The following ADAM32 variants were observed in gnomAD, a reference collection of about 807,000 sequenced individuals.
ADAM32 encodes the protein ADAM metallopeptidase domain 32.
ADAM32 carries 89 observed loss-of-function variants against 114.9 expected under a neutral mutation model. That is an observed-to-expected ratio of 0.77 (90% confidence interval 0.65 to 0.92). The LOEUF is 0.92. ADAM32 is among the 40% of genes least tolerant of loss of function. ADAM32 has a pLI of 0.00. For missense variants in ADAM32, 870 were observed against 932.8 expected (o/e 0.93, Z 0.88); for synonymous variants, 285 against 307.5 (o/e 0.93, Z 0.77).
intron 2 of ADAM32, among the ~76,000 whole-genome samples, chr8:39,121,630 A>G (rs1840595508): frequency 6.6e-6 from 1 of 152,164 alleles, no homozygotes; most frequent in South Asian, 2.1e-4. Context: ...ATGACCCTGA[A>G]AGCAATTCAG....
chr8:39,182,490 A>T (rs1314262704), intron 10 of ADAM32, among the ~76,000 whole-genome samples: 2 of 152,244 alleles, frequency 1.3e-5, no homozygotes, highest in East Asian at 3.8e-4. Context: ...CTAGCTAACA[A>T]ATGCATTGCC....
intron 14 of ADAM32, among the ~76,000 whole-genome samples, chr8:39,230,546 T>G (rs1809672318): frequency 6.6e-6 from 1 of 152,212 alleles, no homozygotes. Flanking sequence ...AATCTCTCAG[T>G]GTTTAACAAG....
intron 7 of ADAM32, among the ~76,000 whole-genome samples, chr8:39,161,182 AAC>A (rs1804489209): frequency 6.6e-6 from 1 of 152,256 alleles, no homozygotes; most frequent in Non-Finnish European, 1.5e-5. Flanking sequence ...AGTACTGCAG[AAC>A]AAAATGTATT....
In ADAM32 at chr8:39,250,270, C is replaced by CT. The variant is rs199941796; in HGVS notation, c.1902+4114dup. Among the ~76,000 whole-genome samples, 558 of 146,726 alleles carry CT rather than the reference C, an allele frequency of 3.8e-3. 5 individuals are homozygous for CT. The highest frequency in any genetic ancestry group is 0.012 in the African/African-American group (492 of 40,146). On this transcript the variant is annotated intron_variant, in intron 17 of 24. Transcript: ENST00000379907. ...GGATATTCTGTTCTGTTTTTTCAAC[C>CT]TTTTTTTTTTGACTTTTTAGTTTTA...
At chr8:39,233,638 G>A (rs1809896295) in intron 15 of ADAM32, among the ~76,000 whole-genome samples, 1 of 152,140 alleles carries the variant, frequency 6.6e-6, no homozygotes, top group Non-Finnish European at 1.5e-5. Context: ...GTAGGTCTTA[G>A]CTTTGTTTTA....
chr8:39,269,143 G>T (rs769633469), intron 19 of ADAM32, among the ~76,000 whole-genome samples: 8 of 152,120 alleles, frequency 5.3e-5, no homozygotes, highest in Non-Finnish European at 1.2e-4. Flanking sequence ...GTGGTGTTCT[G>T]CCCTGTGAAC....
At chr8:39,264,831 G>A (rs919890286) in intron 19 of ADAM32, among the ~76,000 whole-genome samples, 2 of 152,128 alleles carry the variant, frequency 1.3e-5, no homozygotes, top group African/African-American at 2.4e-5. Flanking sequence ...GGAGCAGGTT[G>A]TTTAATTTCT....
At chr8:39,229,028 C>T (rs1222415405) in intron 14 of ADAM32, among the ~76,000 whole-genome samples, 2 of 152,194 alleles carry the variant, frequency 1.3e-5, no homozygotes, top group Non-Finnish European at 2.9e-5. Flanking sequence ...GCCCTATCTT[C>T]AGCTTCCTCA....
At chr8:39,110,607 A>G (rs1413665007) in intron 1 of ADAM32, among the ~76,000 whole-genome samples, 3 of 152,350 alleles carry the variant, frequency 2.0e-5, no homozygotes, top group Admixed American at 6.5e-5. Flanking sequence ...TAGTTTTTAA[A>G]GAAACTGCCA....
chr8:39,262,204 G>GT lies in ADAM32; in HGVS notation c.2162+4874dup, dbSNP rs763295041. On this transcript the variant is annotated intron_variant, in intron 19 of 24. Transcript: ENST00000379907. ...TATGTAGGACTTTGATCCGTTATGA[G>GT]TTTTTTTTTTTTTCTGGTATAGATT... Among the ~76,000 whole-genome samples the GT allele has an allele frequency of 5.7e-3, 810 of 143,012 alleles. 2 individuals carry two copies. Among genetic ancestry groups the GT allele is most frequent in the Admixed American group, 9.0e-3 (129 of 14,310 alleles). The allele number at this position is 143,012 out of a possible 152,430, so 93.8% of individuals were successfully genotyped here.
rs562345874 is a variant in ADAM32 at position 39,232,521 on chromosome 8, A to G, written c.1634+386A>G. 2.6e-5 allele frequency among the ~76,000 whole-genome samples: 4 copies of G among 152,274 alleles called. No homozygotes were observed. The South Asian group carries it at 8.3e-4, about 32-fold the overall frequency. On this transcript the variant is annotated intron_variant, in intron 15 of 24. Transcript: ENST00000379907. The stretch of plus-strand genomic sequence containing the variant: ...GAGCCAGGTTTTTGATATTTTGATC[A>G]TGAGTTTATTTTTACAAAACATCTC...
At chr8:39,216,285 G>A (rs1448461673) in intron 12 of ADAM32, among the ~76,000 whole-genome samples, 2 of 151,910 alleles carry the variant, frequency 1.3e-5, no homozygotes, top group East Asian at 1.9e-4. Context: ...GTCTGTGTAT[G>A]CCTTTATAGG....
chr8:39,186,816 G>A, intron 10 of ADAM32, 93 bp from the exon 11 acceptor site: 1 of 1,089,216 alleles, frequency 9.2e-7, no homozygotes, highest in Non-Finnish European at 1.3e-6. Flanking sequence ...TTTAGCATTT[G>A]ATAAAATAAT....
At chr8:39,229,843 G>T (rs1318224158) in intron 14 of ADAM32, among the ~76,000 whole-genome samples, 4 of 152,024 alleles carry the variant, frequency 2.6e-5, no homozygotes, top group South Asian at 2.1e-4. Context: ...GGAACAAATG[G>T]ACTTAACAGA....
intron 10 of ADAM32, among the ~76,000 whole-genome samples, chr8:39,176,640 C>T (rs547077767): frequency 6.6e-5 from 10 of 151,938 alleles, no homozygotes; most frequent in Non-Finnish European, 1.2e-4. Flanking sequence ...TACTGTGTGG[C>T]GATGAGAAGA....
chr8:39,264,888 T>TATTG (rs1195559769), intron 19 of ADAM32, among the ~76,000 whole-genome samples: 1 of 152,196 alleles, frequency 6.6e-6, no homozygotes, highest in Non-Finnish European at 1.5e-5. Flanking sequence ...TTTCTGTTTT[T>TATTG]ATTGCACTGT....
At chr8:39,184,557 C>T (rs749405603) in intron 10 of ADAM32, among the ~76,000 whole-genome samples, 2 of 152,192 alleles carry the variant, frequency 1.3e-5, no homozygotes, top group Non-Finnish European at 2.9e-5. Flanking sequence ...AGTTCTGACT[C>T]AGAAACCAAT....
At chr8:39,254,579 A>G (rs1811521623) in intron 18 of ADAM32, 63 bp downstream of exon 18, 1 of 1,305,568 alleles carries the variant, frequency 7.7e-7, no homozygotes, top group Non-Finnish European at 1.0e-6. Flanking sequence ...TCTTCACTAA[A>G]ACAAAGTTCG....
chr8:39,125,703 T>C (rs1802073588), intron 2 of ADAM32, among the ~76,000 whole-genome samples: 1 of 152,224 alleles, frequency 6.6e-6, no homozygotes, highest in South Asian at 2.1e-4. Context: ...TTAATTTTTG[T>C]TGCAATTGCT....
Sources: gnomAD v4.1 joint callset for allele counts (sites outside exome capture counted in the v4.1 genomes callset) on GRCh38, gnomAD v4.1.1 for gene constraint, MANE v1.5 for transcripts, NCBI Gene and HGNC (gene_info 2026-07-23, HGNC 2026-07-21) for gene names.